NAAA: variants seen among roughly 807,000 people sequenced by gnomAD.
The protein encoded by NAAA is N-acylethanolamine-hydrolyzing acid amidase.
NAAA carries 39 observed loss-of-function variants against 44.8 expected under a neutral mutation model. The observed-to-expected ratio is 0.87, with a 90% CI of 0.67 to 1.14. The LOEUF is 1.14. Among genes scored for constraint, NAAA ranks in the 50% most tolerant of loss-of-function variants. The pLI is 0.00. For missense variants in NAAA, 460 were observed against 467.8 expected (o/e 0.98, Z 0.15); for synonymous variants, 178 against 191.3 (o/e 0.93, Z 0.58).
chr4:75,916,638 A>T (rs947249483), intron 9 of NAAA: 2 of 152,170 alleles, frequency 1.3e-5, no homozygotes, highest in Non-Finnish European at 2.9e-5. Flanking sequence ...TGCTTAACTC[A>T]ATTATAATAC....
At chr4:75,938,189 T>C (rs1727900584) in intron 2 of NAAA, among the ~76,000 whole-genome samples, 1 of 152,224 alleles carries the variant, frequency 6.6e-6, no homozygotes. Context: ...GTAGCTAGTA[T>C]TATTCTAATT....
chr4:75,937,081 AT>A (rs1304707256), intron 2 of NAAA, among the ~76,000 whole-genome samples: 2 of 152,146 alleles, frequency 1.3e-5, no homozygotes, highest in African/African-American at 4.8e-5. Flanking sequence ...TACTTTTATA[AT>A]TGGGGAAAAA....
rs1727706846 is a variant in NAAA, at chr4:75,936,243, A to C, written c.372-8T>G. The C allele has an allele frequency of 6.2e-7, 1 of 1,610,632 alleles. No individual in the cohort carries two copies. The highest frequency in any genetic ancestry group is 1.3e-5 in the African/African-American group (1 of 74,734). On this transcript the variant is annotated splice_polypyrimidine_tract_variant and splice_region_variant and intron_variant, in intron 2 of 10. Transcript: ENST00000286733. ...ACAATACTGGTGCAGAACCTGAGAA[A>C]AGGGAAAAGTCCAACATGAATGAAT...
chr4:75,916,049 A>G (rs1298224696), intron 9 of NAAA, among the ~76,000 whole-genome samples: 3 of 152,254 alleles, frequency 2.0e-5, no homozygotes, highest in African/African-American at 4.8e-5. Flanking sequence ...TTCCCTGAAC[A>G]GGACCTTAAT....
chr4:75,927,641 C>T (rs1230690659), intron 4 of NAAA, among the ~76,000 whole-genome samples: 1 of 120,270 alleles, frequency 8.3e-6, no homozygotes, highest in African/African-American at 2.8e-5. Flanking sequence ...ATGCCCCCCC[C>T]CCCCCCGCCA....
intron 3 of NAAA, chr4:75,935,307 T>C (rs182665188): frequency 2.6e-5 from 4 of 152,346 alleles, no homozygotes; most frequent in East Asian, 1.9e-4. Flanking sequence ...AAAGGGAATA[T>C]AGTCCTTGTC....
rs776206280 is a variant in NAAA at position 75,936,127 on chromosome 4, T to C, written c.480A>G (p.Gln160=). The change falls in exon 3 of 11, where the codon CAA becomes CAG. Residue 160 remains glutamine, a synonymous_variant. Transcript: ENST00000286733. ...ATTATACCTGCCCATTCTTTAAGAA[T>C]TGCACATCCACTGTCAGCTTGCGTA... ...NVLRKLTVDV[Q]FLKNGQIAFT... The C allele has an allele frequency of 3.6e-5, 58 of 1,613,954 alleles. No homozygotes were observed. Among genetic ancestry groups the C allele is most frequent in the Non-Finnish European group, 4.8e-5 (57 of 1,180,014 alleles).
At chr4:75,930,628 T>G (rs918283832) in intron 4 of NAAA, 3 of 386,332 alleles carry the variant, frequency 7.8e-6, no homozygotes, top group African/African-American at 6.3e-5. Flanking sequence ...AACAACCCAA[T>G]CTCTACAGAG....
intron 4 of NAAA, 103 bp downstream of exon 4, chr4:75,931,111 C>A: frequency 1.2e-6 from 1 of 847,620 alleles, no homozygotes; most frequent in Non-Finnish European, 1.9e-6. Context: ...GTCCCTGCCA[C>A]ATAGTGGGTG....
At position 75,918,785 on chromosome 4, in the gene NAAA, A is replaced by G; in HGVS notation, c.974T>C (p.Leu325Ser). Reference protein sequence around the residue: ...NLSLEALFQILSVVPVYNNFT... With the variant: ...NLSLEALFQISSVVPVYNNFT... ...CTTGTTATAAACTGGAACCACCGAC[A>G]AAATCTGCATAGGAAAAAGTCATTT... Residue 325 changes from leucine to serine, a missense_variant, in exon 9 of 11, where the codon TTG (leucine) becomes TCG (serine). Coordinates refer to ENST00000286733, the MANE Select transcript of NAAA (RefSeq NM_014435.4). 6.2e-7 allele frequency: 1 copy of G among 1,612,770 alleles called. No individual in the cohort carries two copies. The highest frequency in any genetic ancestry group is 8.5e-7 in the Non-Finnish European group (1 of 1,178,910).
chr4:75,937,589 G>A (rs1388995684), intron 2 of NAAA, among the ~76,000 whole-genome samples: 3 of 152,298 alleles, frequency 2.0e-5, no homozygotes, highest in Non-Finnish European at 4.4e-5. Context: ...GGGCTGAAGC[G>A]ATCCTCCCAC....
chr4:75,940,769 G>A lies in NAAA; in HGVS notation c.181C>T (p.Arg61Cys). 1 of 1,597,834 alleles carries A rather than the reference G, an allele frequency of 6.3e-7. No individual in the cohort carries two copies. The highest frequency in any genetic ancestry group is 8.5e-7 in the Non-Finnish European group (1 of 1,178,414). Residue 61 changes from arginine (R) to cysteine (C), a missense_variant, in exon 1 of 11, where the codon CGC becomes TGC. Transcript: ENST00000286733. Reference sequence around the variant, plus strand: ...CCGATGACTTGCGCCATCGCGGCGCGCACCAAGTCCAAGTCGTAGTGCCGC... The same window carrying A: ...CCGATGACTTGCGCCATCGCGGCGCACACCAAGTCCAAGTCGTAGTGCCGC... ...VLRHYDLDLV[R>C]AAMAQVIGDR...
chr4:75,918,122 G>A (rs1174882966), intron 9 of NAAA, among the ~76,000 whole-genome samples: 1 of 152,122 alleles, frequency 6.6e-6, no homozygotes, highest in Non-Finnish European at 1.5e-5. Context: ...TTTCCTTCTA[G>A]TTTGACAACA....
rs898509532 is a variant in NAAA at position 75,940,969 on chromosome 4, G to A, written c.-20C>T. On this transcript the variant is annotated 5_prime_UTR_variant, in exon 1 of 11. Coordinates refer to ENST00000286733, the MANE Select transcript of NAAA (RefSeq NM_014435.4). ...CCGCATGGCTCGGGCTCCAGCGGCC[G>A]CAACTTGGAGACCTGCAGCCGCTGT... 1.4e-6 allele frequency: 2 copies of A among 1,458,576 alleles called. No individual in the cohort carries two copies. The highest frequency in any genetic ancestry group is 2.8e-5 in the East Asian group (1 of 35,262). 90.4% of individuals were successfully genotyped at this position (1,458,576 alleles called of 1,614,324 possible). A position where few individuals can be genotyped will look rare whatever the true frequency, so the allele number is the denominator to read the frequency against.
chr4:75,940,335 A>C, intron 1 of NAAA, 170 bp from the exon 2 acceptor site: 12 of 228,968 alleles, frequency 5.2e-5, no homozygotes, highest in Middle Eastern at 1.5e-3. Context: ...GCCTCCCGGG[A>C]GTGGGGGGAA....
rs201322204 is a variant in NAAA, at chr4:75,918,784, C to A, written c.975G>T (p.Leu325Phe). 6.0e-4 allele frequency: 962 copies of A among 1,612,486 alleles called. 6 individuals carry two copies. In the African/African-American group the frequency reaches 0.011, roughly 18 times the overall value. Reference sequence around the variant, plus strand: ...ACTTGTTATAAACTGGAACCACCGACAAAATCTGCATAGGAAAAAGTCATT... The same window carrying A: ...ACTTGTTATAAACTGGAACCACCGAAAAAATCTGCATAGGAAAAAGTCATT... ...NLSLEALFQI[L>F]SVVPVYNNFT... is the part of the protein sequence containing the mutation. The change falls in exon 9 of 11, where the codon TTG becomes TTT. Residue 325 changes from leucine (L) to phenylalanine (F), a missense_variant. Leu to Phe is a conservative substitution (Grantham distance 22, BLOSUM62 0). Transcript: ENST00000286733.
intron 2 of NAAA, among the ~76,000 whole-genome samples, chr4:75,937,433 A>T (rs1196606525): frequency 6.6e-6 from 1 of 152,182 alleles, no homozygotes; most frequent in Admixed American, 6.5e-5. Flanking sequence ...ATAAATAAAT[A>T]AAATAAAATA....
chr4:75,911,347 T>C (rs769520327), downstream of NAAA: 6 of 506,114 alleles, frequency 1.2e-5, no homozygotes, highest in African/African-American at 2.0e-5. Flanking sequence ...TGGGTTCTTC[T>C]TGCTCACTGC....
rs200652244 is a variant in NAAA, at chr4:75,914,883, C to T, written c.*21G>A. 4 of 1,613,406 alleles carry T rather than the reference C, an allele frequency of 2.5e-6. No individual in the cohort carries two copies. Among genetic ancestry groups the T allele is most frequent in the South Asian group, 1.1e-5 (1 of 91,038 alleles). ...AACAACAAACCTTTCACAGCACGGG[C>T]GAACTCGCTCTTCTGCTGACTTACT... is the stretch of plus-strand genomic sequence containing the variant. On this transcript the variant is annotated 3_prime_UTR_variant, in exon 10 of 11. Transcript: ENST00000286733.
Sources: gnomAD v4.1 joint callset for allele counts (sites outside exome capture counted in the v4.1 genomes callset) on GRCh38, gnomAD v4.1.1 for gene constraint, MANE v1.5 for transcripts, NCBI Gene and HGNC (gene_info 2026-07-23, HGNC 2026-07-21) for gene names.